CACNA1A: variants seen among roughly 807,000 people sequenced by gnomAD.
CACNA1A encodes the protein calcium voltage-gated channel subunit alpha1 A, also known as voltage-dependent P/Q-type calcium channel subunit alpha-1A.
In CACNA1A, 57 loss-of-function variants were observed where a neutral mutation model predicts 262.4. The ratio of observed to expected loss-of-function variants is 0.22; its 90% CI spans 0.18 to 0.27. CACNA1A has a LOEUF of 0.27. CACNA1A is among the 10% of genes least tolerant of loss of function. The pLI is 1.00. For missense variants in CACNA1A, 2,526 were observed against 3,562.8 expected, an observed-to-expected ratio of 0.71 and a Z score of 7.41; for synonymous variants, 1,431 against 1,419.3, an observed-to-expected ratio of 1.01 and a Z score of -0.18.
Position 13,299,226 on chromosome 19 carries a change from A to T in CACNA1A, c.2407T>A (p.Trp803Arg), listed in dbSNP as rs373107804. The T allele has an allele frequency of 1.2e-6, 2 of 1,610,704 alleles. No individual in the cohort carries two copies. The highest frequency in any genetic ancestry group is 1.3e-5 in the African/African-American group (1 of 74,882). Residue 803 changes from tryptophan (W) to arginine (R), a missense_variant, in exon 19 of 47, where the codon TGG (tryptophan) becomes AGG (arginine). This residue lies in a region of CACNA1A where 765 missense variants were observed against 748.6 expected (regional missense o/e 1.02). Coordinates refer to ENST00000360228, the MANE Select transcript of CACNA1A (RefSeq NM_001127222.2). ...LYNEMDPDER[W>R]KAAYTRHLRP... Reference sequence around the variant, plus strand: ...AGGTGCCGCGTGTAGGCAGCCTTCCAGCGCTCGTCCGGGTCCATTTCGTTA... The same window carrying T: ...AGGTGCCGCGTGTAGGCAGCCTTCCTGCGCTCGTCCGGGTCCATTTCGTTA...
chr19:13,221,165 T>C (rs908388285), intron 38 of CACNA1A, among the ~76,000 whole-genome samples: 2 of 148,930 alleles, frequency 1.3e-5, no homozygotes, highest in Admixed American at 1.4e-4. Context: ...TGTGGGACTA[T>C]CCACCTGCTC....
chr19:13,447,211 T>A (rs556217430), intron 3 of CACNA1A, among the ~76,000 whole-genome samples: 2 of 152,318 alleles, frequency 1.3e-5, no homozygotes, highest in South Asian at 4.1e-4. Flanking sequence ...AATATACATA[T>A]ACACAATTTT....
intron 3 of CACNA1A, among the ~76,000 whole-genome samples, chr19:13,416,841 T>TA (rs914388926): frequency 4.0e-5 from 6 of 151,358 alleles, no homozygotes; most frequent in Admixed American, 4.0e-4. Flanking sequence ...CAAACAAATT[T>TA]AAAAAATCCA....
rs544170444 is a variant in CACNA1A at position 13,412,564 on chromosome 19, G to A, written c.539+40312C>T. 2.5e-3 allele frequency among the ~76,000 whole-genome samples: 377 copies of A among 150,474 alleles called. 1 individual carries two copies. The highest frequency in any genetic ancestry group is 8.4e-3 in the African/African-American group (344 of 40,866). ...GCGATCTCAGCTCACTGCAACCTCC[G>A]CCTCCTGGGTTCAAGCAATTCTCCT... On this transcript the variant is annotated intron_variant, in intron 3 of 46. Transcript: ENST00000360228.
At chr19:13,433,069 G>A (rs772564483) in intron 3 of CACNA1A, among the ~76,000 whole-genome samples, 1 of 151,950 alleles carries the variant, frequency 6.6e-6, no homozygotes, top group Admixed American at 6.6e-5. Context: ...TGAGGTGGGC[G>A]GATCACGAAG....
intron 6 of CACNA1A, among the ~76,000 whole-genome samples, chr19:13,342,982 T>G (rs146997143): frequency 0.027 from 4,176 of 152,104 alleles, 201 homozygotes; most frequent in African/African-American, 0.096. Flanking sequence ...CTCGAACTCC[T>G]GGGCTCAAGT....
At chr19:13,286,059 G>C (rs1319766306) in intron 20 of CACNA1A, among the ~76,000 whole-genome samples, 2 of 150,944 alleles carry the variant, frequency 1.3e-5, no homozygotes, top group East Asian at 3.9e-4. Flanking sequence ...GAAGTACTGG[G>C]ATTACAGGCA....
chr19:13,360,749 T>G (rs1378885135), intron 5 of CACNA1A, among the ~76,000 whole-genome samples: 1 of 152,170 alleles, frequency 6.6e-6, no homozygotes, highest in Non-Finnish European at 1.5e-5. Flanking sequence ...AGTGCTGGGA[T>G]TACAGGCGTG....
intron 10 of CACNA1A, among the ~76,000 whole-genome samples, chr19:13,319,011 C>T (rs2058191896): frequency 6.6e-6 from 1 of 151,538 alleles, no homozygotes; most frequent in South Asian, 2.1e-4. Context: ...ACCTCAGCCT[C>T]CCAAGTAGCT....
At chr19:13,385,512 G>A (rs972213912) in intron 3 of CACNA1A, among the ~76,000 whole-genome samples, 1 of 151,990 alleles carries the variant, frequency 6.6e-6, no homozygotes, top group African/African-American at 2.4e-5. Context: ...ACAGGCGTGA[G>A]CCACTGCGCC....
intron 3 of CACNA1A, among the ~76,000 whole-genome samples, chr19:13,388,245 CTTTTTTTTTTTTTTTTTTTT>C (rs1161893626): frequency 1.2e-5 from 1 of 85,682 alleles, no homozygotes; most frequent in Non-Finnish European, 2.1e-5. Flanking sequence ...TCTTCCTCTT[CTTTTTTTTTTTTTTTTTTTT>C]TTTTTTTTGA....
At chr19:13,501,534 C>T (rs2145174346) in intron 1 of CACNA1A, among the ~76,000 whole-genome samples, 1 of 152,234 alleles carries the variant, frequency 6.6e-6, no homozygotes, top group East Asian at 1.9e-4. Flanking sequence ...ATGATCTAAC[C>T]TGGATACTCC....
intron 10 of CACNA1A, among the ~76,000 whole-genome samples, chr19:13,323,082 A>C (rs2145080005): frequency 6.6e-6 from 1 of 152,068 alleles, no homozygotes; most frequent in South Asian, 2.1e-4. Context: ...GACCAGCCTG[A>C]CCAACATAGT....
chr19:13,411,593 A>C (rs1379974285), intron 3 of CACNA1A, among the ~76,000 whole-genome samples: 1 of 152,176 alleles, frequency 6.6e-6, no homozygotes, highest in Non-Finnish European at 1.5e-5. Flanking sequence ...ACCCAGTCTC[A>C]GGTATGTCTT....
At chr19:13,249,362 T>TTTATTTA (rs1353268177) in intron 30 of CACNA1A, among the ~76,000 whole-genome samples, 1 of 152,088 alleles carries the variant, frequency 6.6e-6, no homozygotes, top group Non-Finnish European at 1.5e-5. Flanking sequence ...CTAGCATTTA[T>TTTATTTA]TTATTTATTT....
intron 6 of CACNA1A, among the ~76,000 whole-genome samples, chr19:13,338,586 G>T (rs2058618905): frequency 6.6e-6 from 1 of 151,992 alleles, no homozygotes; most frequent in Non-Finnish European, 1.5e-5. Flanking sequence ...GGTCACATGA[G>T]ATCTTAAAAA....
At chr19:13,333,047 G>T in intron 8 of CACNA1A, 122 bp from the exon 9 acceptor site, 2 of 692,844 alleles carry the variant, frequency 2.9e-6, no homozygotes, top group South Asian at 3.7e-5. Flanking sequence ...CAGCTCAACC[G>T]ACCAAAAAAC....
At chr19:13,243,087 G>A (rs2056124283) in intron 31 of CACNA1A, among the ~76,000 whole-genome samples, 2 of 152,172 alleles carry the variant, frequency 1.3e-5, no homozygotes, top group South Asian at 2.1e-4. Flanking sequence ...TGACCCAAAG[G>A]GACATTGGTT....
intron 10 of CACNA1A, among the ~76,000 whole-genome samples, chr19:13,328,129 G>C (rs1009306170): frequency 1.3e-5 from 2 of 151,926 alleles, no homozygotes; most frequent in African/African-American, 4.8e-5. Context: ...GGTCTTGAAC[G>C]GCTGATCTTA....
Sources: allele counts gnomAD v4.1 joint callset (sites outside exome capture counted in the v4.1 genomes callset), GRCh38; gene constraint gnomAD v4.1.1; regional missense constraint gnomAD v4.1.1; transcripts MANE v1.5; gene names NCBI Gene and HGNC (gene_info 2026-07-23, HGNC 2026-07-21).